Variants in GLCCI1 observed in about 807,000 individuals in gnomAD.
GLCCI1 encodes glucocorticoid induced 1.
A neutral mutation model predicts 52.2 loss-of-function variants in GLCCI1; 24 were observed. That is an observed-to-expected ratio of 0.46 (90% CI 0.33 to 0.65). GLCCI1 has a LOEUF of 0.65. Ranked by LOEUF, GLCCI1 falls within the 30% of genes least tolerant of loss-of-function variation. The pLI is 0.02. For synonymous variants in GLCCI1, 310 were observed against 276.5 expected (o/e 1.12, Z -1.20); for missense variants, 704 against 701.5 (o/e 1.00, Z -0.04).
intron 6 of GLCCI1, 76 bp from the exon 7 acceptor site, chr7:8,084,820 CA>C: frequency 6.7e-7 from 1 of 1,499,018 alleles, no homozygotes; most frequent in Non-Finnish European, 9.2e-7. Context: ...ATAAATTGTG[CA>C]AAAGGCTGTT....
intron 1 of GLCCI1, among the ~76,000 whole-genome samples, chr7:8,000,691 C>G (rs1781034746): frequency 7.0e-6 from 1 of 143,856 alleles, no homozygotes; most frequent in African/African-American, 2.6e-5. Flanking sequence ...TATTCAGTAT[C>G]ATAAAATTTC....
chr7:8,070,911 C>A lies in GLCCI1; in HGVS notation c.967-10C>A. On this transcript the variant is annotated splice_polypyrimidine_tract_variant and intron_variant, in intron 5 of 7. Coordinates refer to ENST00000223145, the MANE Select transcript of GLCCI1 (RefSeq NM_138426.4). ...CAGCATTTGGATGTTTAATGGTATT[C>A]CTCTTACAGCCGTTGGACATACCAG... 1 of 1,610,062 alleles carries A rather than the reference C, an allele frequency of 6.2e-7. No homozygotes were observed. Among genetic ancestry groups the A allele is most frequent in the South Asian group, 1.1e-5 (1 of 90,886 alleles).
chr7:8,053,197 C>G (rs1283923881), intron 3 of GLCCI1, among the ~76,000 whole-genome samples: 1 of 151,554 alleles, frequency 6.6e-6, no homozygotes, highest in Non-Finnish European at 1.5e-5. Flanking sequence ...ATGCTTTAAT[C>G]TTCTCTTGGT....
chr7:7,998,024 G>A (rs903298340), intron 1 of GLCCI1, among the ~76,000 whole-genome samples: 1 of 151,428 alleles, frequency 6.6e-6, no homozygotes, highest in Non-Finnish European at 1.5e-5. Context: ...TTCAGACTTA[G>A]GGTTAAATTA....
intron 3 of GLCCI1, among the ~76,000 whole-genome samples, chr7:8,036,713 C>T (rs927706401): frequency 2.0e-5 from 3 of 152,104 alleles, no homozygotes; most frequent in African/African-American, 7.2e-5. Context: ...TTTAAATCCA[C>T]CAGAACTTTT....
intron 1 of GLCCI1, among the ~76,000 whole-genome samples, chr7:7,988,071 C>T (rs961470460): frequency 1.3e-5 from 2 of 152,084 alleles, no homozygotes; most frequent in African/African-American, 2.4e-5. Context: ...AAGTAGTAGT[C>T]TTTCAGTAAG....
intron 1 of GLCCI1, among the ~76,000 whole-genome samples, chr7:7,976,729 T>C (rs1195997055): frequency 6.6e-6 from 1 of 151,444 alleles, no homozygotes; most frequent in African/African-American, 2.4e-5. Context: ...CTGAGCAACA[T>C]GACAAGACCT....
chr7:8,029,344 G>A (rs1308271088), intron 3 of GLCCI1, among the ~76,000 whole-genome samples: 1 of 152,040 alleles, frequency 6.6e-6, no homozygotes, highest in Non-Finnish European at 1.5e-5. Context: ...ATGAAGAAAA[G>A]CCATATGATC....
chr7:7,981,036 A>C, intron 1 of GLCCI1: 2 of 487,680 alleles, frequency 4.1e-6, no homozygotes, highest in Non-Finnish European at 3.9e-6. Flanking sequence ...TAAAGGCAGA[A>C]AAAGAAGCTA....
intron 5 of GLCCI1, among the ~76,000 whole-genome samples, chr7:8,067,667 A>C (rs1295450006): frequency 2.0e-5 from 3 of 152,162 alleles, no homozygotes; most frequent in Non-Finnish European, 2.9e-5. Context: ...CTCGCTTGGA[A>C]TAGGCTCCAA....
intron 1 of GLCCI1, among the ~76,000 whole-genome samples, chr7:8,001,182 G>A (rs1326023197): frequency 6.6e-6 from 1 of 152,170 alleles, no homozygotes; most frequent in East Asian, 1.9e-4. Context: ...GGTACCAGTT[G>A]TTCCTTTCCA....
At chr7:7,982,518 A>G (rs758957267) in intron 1 of GLCCI1, among the ~76,000 whole-genome samples, 1 of 152,200 alleles carries the variant, frequency 6.6e-6, no homozygotes, top group Non-Finnish European at 1.5e-5. Context: ...TTATGCTACA[A>G]AAATACATAA....
intron 3 of GLCCI1, among the ~76,000 whole-genome samples, chr7:8,052,246 T>A (rs17568389): frequency 0.46 from 69,842 of 152,086 alleles, 16,380 homozygotes; most frequent in Middle Eastern, 0.57. Context: ...GGTGCCTTAA[T>A]GCTTGCTCAG....
rs750389868 is a variant in GLCCI1, at chr7:8,086,746, G to A, written c.*208G>A. 1.8e-6 allele frequency: 1 copy of A among 547,806 alleles called. No homozygotes were observed. Among genetic ancestry groups the A allele is most frequent in the Non-Finnish European group, 3.2e-6 (1 of 312,022 alleles). The allele number at this position is 547,806 out of a possible 1,614,324, so 33.9% of individuals were successfully genotyped here. ...GCAGTAATGCTTGCAAAACGTGTGTGTCATTCAGCATTTTAAGTGGAGACT... is the reference window on the plus strand; with the variant it reads ...GCAGTAATGCTTGCAAAACGTGTGTATCATTCAGCATTTTAAGTGGAGACT... On this transcript the variant is annotated 3_prime_UTR_variant, in exon 8 of 8. Coordinates refer to ENST00000223145, the MANE Select transcript of GLCCI1 (RefSeq NM_138426.4). The surrounding 1 kb of genome is among the most constrained non-coding windows in gnomAD (Gnocchi z 4.4).
chr7:7,983,752 A>G (rs1780668816), intron 1 of GLCCI1, among the ~76,000 whole-genome samples: 1 of 152,238 alleles, frequency 6.6e-6, no homozygotes, highest in African/African-American at 2.4e-5. Context: ...TAAAACTAAT[A>G]GATTATATTT....
At chr7:8,015,942 T>G (rs17567580) in intron 2 of GLCCI1, among the ~76,000 whole-genome samples, 9,516 of 152,270 alleles carry the variant, frequency 0.062, 410 homozygotes, top group Non-Finnish European at 0.089. Flanking sequence ...CTTCATTGCT[T>G]TCTCATGCCT....
At chr7:7,997,026 A>G (rs1420407745) in intron 1 of GLCCI1, among the ~76,000 whole-genome samples, 1 of 152,184 alleles carries the variant, frequency 6.6e-6, no homozygotes, top group Non-Finnish European at 1.5e-5. Flanking sequence ...ATGTTTCATC[A>G]TTTTATATGT....
intron 3 of GLCCI1, among the ~76,000 whole-genome samples, chr7:8,029,072 G>A (rs887688886): frequency 2.6e-5 from 4 of 152,076 alleles, no homozygotes; most frequent in African/African-American, 9.7e-5. Flanking sequence ...AAAAATGGAG[G>A]GAGATGGAAT....
At chr7:7,994,847 A>G (rs550291315) in intron 1 of GLCCI1, among the ~76,000 whole-genome samples, 1 of 152,342 alleles carries the variant, frequency 6.6e-6, no homozygotes, top group East Asian at 1.9e-4. Flanking sequence ...TGCTACATAT[A>G]TTACATAGAT....
Sources: gnomAD v4.1 joint callset for allele counts (sites outside exome capture counted in the v4.1 genomes callset) on GRCh38, gnomAD v4.1.1 for gene constraint, Gnocchi (gnomAD v3.1) non-coding constraint, MANE v1.5 for transcripts, NCBI Gene and HGNC (gene_info 2026-07-23, HGNC 2026-07-21) for gene names.